The following UBE2W variants were observed in gnomAD, a reference collection of about 807,000 sequenced individuals.
UBE2W encodes ubiquitin-conjugating enzyme E2 W.
UBE2W carries 18 observed loss-of-function variants against 27.2 expected under a neutral mutation model. The observed-to-expected ratio is 0.66, with a 90% CI of 0.46 to 0.98. The LOEUF (loss-of-function observed/expected upper bound fraction) is 0.98. UBE2W is among the 50% of genes least tolerant of loss of function. UBE2W has a pLI of 0.00. For missense variants in UBE2W, 90 were observed against 180.2 expected, an observed-to-expected ratio of 0.50 and a Z score of 2.87; for synonymous variants, 53 against 57.2, an observed-to-expected ratio of 0.93 and a Z score of 0.33.
At chr8:73,812,970 A>G (rs1012100694) in intron 3 of UBE2W, among the ~76,000 whole-genome samples, 9 of 149,228 alleles carry the variant, frequency 6.0e-5, no homozygotes, top group African/African-American at 2.2e-4. Flanking sequence ...GCACCACCGC[A>G]CTCCAGCCTG....
chr8:73,849,760 TA>T (rs1810994083), intron 1 of UBE2W, among the ~76,000 whole-genome samples: 1 of 152,076 alleles, frequency 6.6e-6, no homozygotes, highest in Non-Finnish European at 1.5e-5. Flanking sequence ...AAAGTATAGT[TA>T]TTTGAGTTTT....
intron 5 of UBE2W, 61 bp downstream of exon 5, chr8:73,805,590 C>A (rs879075472): frequency 2.0e-6 from 2 of 1,005,964 alleles, no homozygotes; most frequent in East Asian, 2.9e-5. Flanking sequence ...AGTCTTATAG[C>A]AAATATATAT....
rs1807986739 is a variant in UBE2W at position 73,787,046 on chromosome 8, T to C, written c.*7056A>G. ...AGACATGAGAAGATATTTCCTACCT[T>C]AGTTGATAAACTTTCCTTATTATTT... is the stretch of plus-strand genomic sequence containing the variant. On this transcript the variant is annotated 3_prime_UTR_variant, in exon 6 of 6. Transcript: ENST00000602593. 1 of 985,324 alleles carries C rather than the reference T, an allele frequency of 1.0e-6. No homozygotes were observed. Among genetic ancestry groups the C allele is most frequent in the African/African-American group, 1.7e-5 (1 of 57,250 alleles). 61.0% of individuals were successfully genotyped at this position (985,324 alleles called of 1,614,324 possible).
At position 73,791,866 on chromosome 8, in the gene UBE2W, TAG is replaced by T. The variant is rs1247134693; in HGVS notation, c.*2234_*2235del. 3.0e-6 allele frequency: 3 copies of T among 984,612 alleles called. No homozygotes were observed. The highest frequency in any genetic ancestry group is 4.7e-5 in the South Asian group (1 of 21,278). 61.0% of individuals were successfully genotyped at this position (984,612 alleles called of 1,614,324 possible). On this transcript the variant is annotated 3_prime_UTR_variant, in exon 6 of 6. Transcript: ENST00000602593. ...TAGTTTACTTTATGGTATTTATATG[TAG>T]AGAGAGAGGTATGTTAAAATATTGT...
rs147460328 is a variant in UBE2W, at chr8:73,859,602, A to G, written c.15+19206T>C. 5.1e-3 allele frequency among the ~76,000 whole-genome samples: 770 copies of G among 152,296 alleles called. 7 individuals are homozygous for G. The highest frequency in any genetic ancestry group is 0.018 in the African/African-American group (733 of 41,546). On this transcript the variant is annotated intron_variant, in intron 1 of 5. Transcript: ENST00000602593. Reference sequence around the variant, plus strand: ...ATATAATACATATATCACACAAAATATGTGTTAATCAACTGTTTATCTTAT... The same window carrying G: ...ATATAATACATATATCACACAAAATGTGTGTTAATCAACTGTTTATCTTAT...
At chr8:73,831,191 G>A (rs1274924554) in intron 1 of UBE2W, 10 of 446,732 alleles carry the variant, frequency 2.2e-5, no homozygotes, top group Non-Finnish European at 4.1e-5. Context: ...CCAAATGGGT[G>A]GCTTTCCTGG....
chr8:73,824,044 T>C (rs34929413), intron 3 of UBE2W, among the ~76,000 whole-genome samples: 15,228 of 152,206 alleles, frequency 0.1, 818 homozygotes, highest in Middle Eastern at 0.17. Flanking sequence ...TTGCTAGCAA[T>C]ACTAGAGAGA....
chr8:73,812,686 G>A (rs7813819), intron 3 of UBE2W, among the ~76,000 whole-genome samples: 3,668 of 152,124 alleles, frequency 0.024, 154 homozygotes, highest in African/African-American at 0.084. Flanking sequence ...ATACCCAAGA[G>A]TTTCTTCTTT....
At chr8:73,783,403 T>C (rs890300326), downstream of UBE2W, among the ~76,000 whole-genome samples, 1 of 152,180 alleles carries the variant, frequency 6.6e-6, no homozygotes. Context: ...AAGATTTTTG[T>C]TTTTTGCATA....
downstream of UBE2W, among the ~76,000 whole-genome samples, chr8:73,782,732 T>G (rs147016545): frequency 6.6e-6 from 1 of 152,320 alleles, no homozygotes; most frequent in East Asian, 1.9e-4. Flanking sequence ...ATATAAACAT[T>G]AGTGTACAAG....
intron 1 of UBE2W, among the ~76,000 whole-genome samples, chr8:73,874,425 G>A (rs1812134819): frequency 6.6e-6 from 1 of 151,698 alleles, no homozygotes; most frequent in South Asian, 2.1e-4. Flanking sequence ...GCGAGACTCT[G>A]TCTCAAAAAA....
chr8:73,853,522 A>G (rs1318555861), intron 1 of UBE2W, among the ~76,000 whole-genome samples: 1 of 152,160 alleles, frequency 6.6e-6, no homozygotes, highest in African/African-American at 2.4e-5. Flanking sequence ...CAGCCTCAAA[A>G]TGCACTGGGA....
intron 1 of UBE2W, among the ~76,000 whole-genome samples, chr8:73,865,746 TAATA>T (rs1311017375): frequency 3.9e-5 from 6 of 152,224 alleles, no homozygotes; most frequent in Non-Finnish European, 2.9e-5. Context: ...TCGATTTCCT[TAATA>T]TATATATGTT....
At chr8:73,856,512 G>A (rs1811308212) in intron 1 of UBE2W, among the ~76,000 whole-genome samples, 1 of 151,750 alleles carries the variant, frequency 6.6e-6, no homozygotes, top group Non-Finnish European at 1.5e-5. Flanking sequence ...TTACAGGCAT[G>A]AGCCACCAGG....
downstream of UBE2W, among the ~76,000 whole-genome samples, chr8:73,783,185 A>G (rs1807873208): frequency 6.6e-6 from 1 of 152,146 alleles, no homozygotes; most frequent in Non-Finnish European, 1.5e-5. Context: ...ATTTGCAAAG[A>G]TATTGTCTTG....
intron 1 of UBE2W, chr8:73,831,175 G>T: frequency 2.2e-6 from 1 of 453,546 alleles, no homozygotes; most frequent in Non-Finnish European, 4.1e-6. Flanking sequence ...AGCCTCAAGA[G>T]CACAGCCAAA....
At chr8:73,813,735 T>C (rs931140328) in intron 3 of UBE2W, among the ~76,000 whole-genome samples, 3 of 148,692 alleles carry the variant, frequency 2.0e-5, no homozygotes, top group Non-Finnish European at 2.9e-5. Flanking sequence ...CAAATAAGCA[T>C]AGTTTCCACA....
intron 2 of UBE2W, 89 bp downstream of exon 2, chr8:73,830,292 G>A: frequency 1.1e-6 from 1 of 929,300 alleles, no homozygotes; most frequent in East Asian, 2.5e-5. Flanking sequence ...AATGAAATGT[G>A]AAAATAATTT....
At chr8:73,833,184 C>CAAA (rs1202478660) in intron 1 of UBE2W, among the ~76,000 whole-genome samples, 1,734 of 31,084 alleles carry the variant, frequency 0.056, 206 homozygotes, top group African/African-American at 0.18. Context: ...GACTCCACCT[C>CAAA]AAAAAAAAAA....
Sources: allele counts gnomAD v4.1 joint callset (sites outside exome capture counted in the v4.1 genomes callset), GRCh38; gene constraint gnomAD v4.1.1; transcripts MANE v1.5; gene names NCBI Gene and HGNC (gene_info 2026-07-23, HGNC 2026-07-21).